The following SSC5D variants were observed in gnomAD, a reference collection of about 807,000 sequenced individuals.
SSC5D encodes the protein scavenger receptor cysteine rich family member with 5 domains.
In SSC5D, 106 loss-of-function variants were observed where a neutral mutation model predicts 104.6. The observed-to-expected ratio is 1.01, with a 90% CI of 0.87 to 1.19. The LOEUF is 1.19. Among genes scored for constraint, SSC5D ranks in the 50% most tolerant of loss-of-function variants. The probability of loss-of-function intolerance (pLI) is 0.00; values close to 1 mark genes in which losing one functional copy is unlikely to be tolerated. For synonymous variants in SSC5D, 860 were observed against 883.5 expected (o/e 0.97, Z 0.47); for missense variants, 1,993 against 2,153.8 (o/e 0.93, Z 1.48).
intron 6 of SSC5D, chr19:55,492,867 A>AT (rs1308996352): frequency 6.7e-6 from 1 of 148,604 alleles, no homozygotes; most frequent in Non-Finnish European, 1.5e-5. Context: ...AAAATATAAA[A>AT]TAAAAAAAAA....
chr19:55,495,525 G>A (rs1987303162), intron 8 of SSC5D, among the ~76,000 whole-genome samples: 1 of 151,470 alleles, frequency 6.6e-6, no homozygotes, highest in South Asian at 2.1e-4. Context: ...GAGCCACCGT[G>A]CCTGGTCTCT....
intron 12 of SSC5D, chr19:55,504,411 G>A: frequency 1.7e-6 from 2 of 1,162,734 alleles, no homozygotes; most frequent in Non-Finnish European, 2.2e-6. Flanking sequence ...GGGAGACGAG[G>A]CAGGCATGCA....
At chr19:55,493,421 G>A (rs1246963220) in intron 6 of SSC5D, among the ~76,000 whole-genome samples, 174 bp from the exon 7 acceptor site, 1 of 152,238 alleles carries the variant, frequency 6.6e-6, no homozygotes, top group African/African-American at 2.4e-5. Context: ...ATGCGCCAGA[G>A]TTGGACTCCG....
chr19:55,516,605 A>G (rs1987877555), intron 13 of SSC5D, among the ~76,000 whole-genome samples: 1 of 151,066 alleles, frequency 6.6e-6, no homozygotes, highest in African/African-American at 2.5e-5. Flanking sequence ...AACTTTGGTT[A>G]ACTGTGGATC....
chr19:55,517,283 G>C lies in SSC5D; in HGVS notation c.3007G>C (p.Ala1003Pro). 2.6e-6 allele frequency: 4 copies of C among 1,547,474 alleles called. No homozygotes were observed. Among genetic ancestry groups the C allele is most frequent in the Non-Finnish European group, 3.5e-6 (4 of 1,146,732 alleles). ...RPPRPAATRT[A>P]PPTPSPGPSA... ...ACCGCGGCCCGCTGCGACCAGGACAGCGCCCCCAACCCCGTCCCCAGGTCC... is the reference window on the plus strand; with the variant it reads ...ACCGCGGCCCGCTGCGACCAGGACACCGCCCCCAACCCCGTCCCCAGGTCC... Residue 1003 changes from alanine (A) to proline (P), a missense_variant, in exon 14 of 14, where the codon GCG (alanine) becomes CCG (proline). By Grantham distance (27) the Ala-to-Pro change is conservative (BLOSUM62 -1). Transcript: ENST00000389623.
In SSC5D at chr19:55,500,597, C is replaced by A. The variant is rs375187035; in HGVS notation, c.2410C>A (p.Arg804=). 4.5e-6 allele frequency: 7 copies of A among 1,551,708 alleles called. No individual in the cohort carries two copies. Among genetic ancestry groups the A allele is most frequent in the Non-Finnish European group, 6.1e-6 (7 of 1,146,992 alleles). Residue 804 remains arginine, a synonymous_variant, in exon 11 of 14, where the codon CGG becomes AGG. Coordinates refer to ENST00000389623, the MANE Select transcript of SSC5D (RefSeq NM_001144950.2). This position sits in a 1 kb window ranked among gnomAD's most constrained non-coding sequence, Gnocchi z 4.6. ...GTVCDDNWDL[R]DATVACWELG... ...AGTGTGTGATGACAACTGGGACCTG[C>A]GGGACGCCACTGTGGCCTGCTGGGA...
intron 12 of SSC5D, 117 bp downstream of exon 12, chr19:55,501,318 G>T: frequency 7.8e-7 from 1 of 1,281,168 alleles, no homozygotes. Flanking sequence ...GGGCACCCTG[G>T]AAAGGTTTTC....
chr19:55,493,995 T>TGGG, intron 7 of SSC5D, 83 bp downstream of exon 7: 1 of 206,968 alleles, frequency 4.8e-6, no homozygotes, highest in South Asian at 2.8e-5. Context: ...GGCGGGGGGG[T>TGGG]CCCTACGCGC....
intron 12 of SSC5D, 147 bp from the exon 13 acceptor site, chr19:55,512,864 G>A (rs912768533): frequency 2.2e-6 from 2 of 917,834 alleles, no homozygotes; most frequent in Admixed American, 4.3e-5. Context: ...AATGGAGAAG[G>A]TCTCCACGAG....
intron 9 of SSC5D, among the ~76,000 whole-genome samples, chr19:55,499,078 G>T (rs1276538937): frequency 6.6e-6 from 1 of 152,140 alleles, no homozygotes; most frequent in East Asian, 1.9e-4. Context: ...GAGTGTTCGT[G>T]GGGACTTGGC....
chr19:55,511,849 GT>G (rs1568483965), intron 12 of SSC5D, among the ~76,000 whole-genome samples: 1 of 152,180 alleles, frequency 6.6e-6, no homozygotes, highest in East Asian at 1.9e-4. Flanking sequence ...CAGGATCAGT[GT>G]GGGGGGCCAG....
intron 12 of SSC5D, among the ~76,000 whole-genome samples, chr19:55,507,237 G>A (rs895810123): frequency 6.6e-6 from 1 of 151,060 alleles, no homozygotes; most frequent in South Asian, 2.1e-4. Flanking sequence ...CCAGCTACCC[G>A]GGAGGTTGAG....
chr19:55,516,308 C>T (rs516945), intron 13 of SSC5D, among the ~76,000 whole-genome samples: 27 of 151,812 alleles, frequency 1.8e-4, no homozygotes, highest in Non-Finnish European at 8.8e-5. Flanking sequence ...CCATCCTGGC[C>T]AACACGGTGA....
At chr19:55,493,948 G>A (rs754116863) in intron 7 of SSC5D, 36 bp downstream of exon 7, 64 of 1,428,534 alleles carry the variant, frequency 4.5e-5, no homozygotes, top group Admixed American at 1.1e-4. Context: ...GGAGGTGGGC[G>A]TGGTGGTGCT....
chr19:55,495,010 C>T (rs930126365), intron 8 of SSC5D, among the ~76,000 whole-genome samples: 4 of 151,614 alleles, frequency 2.6e-5, no homozygotes, highest in African/African-American at 9.7e-5. Context: ...TACCAAGCCC[C>T]CAAAATTCTG....
chr19:55,496,131 G>C (rs1987319933), intron 8 of SSC5D, among the ~76,000 whole-genome samples: 1 of 152,112 alleles, frequency 6.6e-6, no homozygotes, highest in Admixed American at 6.5e-5. Context: ...TTTCAGTGGG[G>C]CCGGTGGGGA....
At position 55,501,129 on chromosome 19, in the gene SSC5D, C is replaced by T. The variant is rs1159792284; in HGVS notation, c.2713C>T (p.His905Tyr). ...GACTACCACAGCGGGGGTACCTGGA[C>T]ACACTCTCCCCTGGAGGACCACCCG... ...KGTTTAGVPG[H>Y]TLPWRTTRRP... Residue 905 changes from histidine to tyrosine, a missense_variant, in exon 12 of 14, where the codon CAC becomes TAC. This residue lies in a region of SSC5D where 423 missense variants were observed against 409.2 expected (regional missense o/e 1.03). Coordinates refer to ENST00000389623, the MANE Select transcript of SSC5D (RefSeq NM_001144950.2). The T allele has an allele frequency of 1.2e-5, 18 of 1,551,292 alleles. No homozygotes were observed. Among genetic ancestry groups the T allele is most frequent in the African/African-American group, 4.1e-5 (3 of 73,008 alleles).
intron 13 of SSC5D, among the ~76,000 whole-genome samples, chr19:55,516,450 T>C (rs1422407585): frequency 6.6e-6 from 1 of 150,648 alleles, no homozygotes; most frequent in Non-Finnish European, 1.5e-5. Context: ...TGAGCCGAGA[T>C]CACGCCACTG....
chr19:55,508,717 A>G (rs1473326183), intron 12 of SSC5D, among the ~76,000 whole-genome samples: 2 of 89,516 alleles, frequency 2.2e-5, no homozygotes, highest in Non-Finnish European at 4.6e-5. Context: ...CCTATACAGC[A>G]GGGATGGCCT....
Sources: gnomAD v4.1 joint callset for allele counts (sites outside exome capture counted in the v4.1 genomes callset) on GRCh38, gnomAD v4.1.1 for gene constraint, gnomAD v4.1.1 regional missense constraint, Gnocchi (gnomAD v3.1) non-coding constraint, MANE v1.5 for transcripts, NCBI Gene and HGNC (gene_info 2026-07-23, HGNC 2026-07-21) for gene names.